The following IQSEC1 variants were observed in gnomAD, a reference collection of about 807,000 sequenced individuals.
The protein encoded by IQSEC1 is IQ motif and SEC7 domain-containing protein 1.
A neutral mutation model predicts 91.0 loss-of-function variants in IQSEC1; 31 were observed. The observed-to-expected ratio is 0.34, with a 90% CI of 0.26 to 0.46. The LOEUF (loss-of-function observed/expected upper bound fraction) is 0.46, where lower values mean the gene tolerates loss of function less well. IQSEC1 is among the 20% of genes least tolerant of loss of function. The pLI is 1.00. For missense variants in IQSEC1, 1,388 were observed against 1,575.6 expected (o/e 0.88, Z 2.02); for synonymous variants, 699 against 662.6 (o/e 1.05, Z -0.84).
intron 1 of IQSEC1, among the ~76,000 whole-genome samples, chr3:13,186,383 C>T (rs943431912): frequency 2.0e-5 from 3 of 152,104 alleles, no homozygotes; most frequent in African/African-American, 7.2e-5. Flanking sequence ...ATGATCATTA[C>T]CAGAGATGAA....
intron 3 of IQSEC1, among the ~76,000 whole-genome samples, chr3:12,933,946 T>G (rs1187465538): frequency 6.6e-6 from 1 of 152,202 alleles, no homozygotes; most frequent in Non-Finnish European, 1.5e-5. Flanking sequence ...TGGTTTCCTG[T>G]CTCCCCACTG....
intron 2 of IQSEC1, among the ~76,000 whole-genome samples, chr3:13,095,049 C>A (rs886092032): frequency 2.6e-5 from 4 of 151,978 alleles, no homozygotes; most frequent in South Asian, 2.1e-4. Flanking sequence ...GCACCGAGAG[C>A]CCCCCTCCTC....
At chr3:12,920,707 G>T in intron 5 of IQSEC1, 111 bp from the exon 6 acceptor site, 2 of 1,158,326 alleles carry the variant, frequency 1.7e-6, no homozygotes, top group Non-Finnish European at 2.5e-6. Flanking sequence ...TGCTTCTGGT[G>T]AGCGAGGATC....
chr3:12,952,175 C>T (rs927437771), intron 1 of IQSEC1, among the ~76,000 whole-genome samples: 1 of 152,114 alleles, frequency 6.6e-6, no homozygotes, highest in Admixed American at 6.6e-5. Flanking sequence ...TGAGGATATC[C>T]AGGAATTGCA....
chr3:12,899,535 G>A lies in IQSEC1; in HGVS notation c.*1448C>T, dbSNP rs539807301. 2 of 1,525,782 alleles carry A rather than the reference G, an allele frequency of 1.3e-6. No individual in the cohort carries two copies. The highest frequency in any genetic ancestry group is 1.8e-6 in the Non-Finnish European group (2 of 1,128,196). The allele number at this position is 1,525,782 out of a possible 1,614,324, so 94.5% of individuals were successfully genotyped here. A position where few individuals can be genotyped will look rare whatever the true frequency, so the allele number is the denominator to read the frequency against. ...TCACCACAACACAGAAGCGACAAGA[G>A]CACAGCTGAGAGTCATGTGATGCCC... On this transcript the variant is annotated 3_prime_UTR_variant, in exon 14 of 14. Coordinates refer to ENST00000613206, the MANE Select transcript of IQSEC1 (RefSeq NM_001134382.3).
chr3:13,115,608 A>G (rs1706322196), intron 2 of IQSEC1, among the ~76,000 whole-genome samples: 1 of 152,102 alleles, frequency 6.6e-6, no homozygotes, highest in Admixed American at 6.5e-5. Context: ...CTGCAGAGTC[A>G]CTCGAGAGGG....
rs749906799 is a variant in IQSEC1, at chr3:12,908,324, AG to A, written c.2755+24del. 2.4e-4 allele frequency: 385 copies of A among 1,608,774 alleles called. No individual in the cohort carries two copies. Among genetic ancestry groups the A allele is most frequent in the Non-Finnish European group, 3.2e-4 (374 of 1,178,520 alleles). On this transcript the variant is annotated intron_variant, in intron 12 of 13. Transcript: ENST00000613206. This position sits in a 1 kb window ranked among gnomAD's most constrained non-coding sequence, Gnocchi z 4.9. ...CGGTCTTGCATGCGCTGGGCTAGCA[AG>A]GTGGTTCTAGGCCAAGCTCTTACCG...
chr3:13,244,483 G>C (rs1427734238), intron 1 of IQSEC1, among the ~76,000 whole-genome samples: 2 of 152,192 alleles, frequency 1.3e-5, no homozygotes, highest in Non-Finnish European at 2.9e-5. Flanking sequence ...TCCTGGGCTT[G>C]CAAATAGTGG....
chr3:13,190,143 C>G (rs1470508388), intron 1 of IQSEC1, among the ~76,000 whole-genome samples: 1 of 152,246 alleles, frequency 6.6e-6, no homozygotes, highest in Non-Finnish European at 1.5e-5. Flanking sequence ...CCTGCCTGAA[C>G]AGCCTGTCTG....
intron 2 of IQSEC1, among the ~76,000 whole-genome samples, chr3:13,092,832 AG>A (rs1312631563): frequency 6.6e-6 from 1 of 152,176 alleles, no homozygotes; most frequent in Non-Finnish European, 1.5e-5. Context: ...ACTCTGCTCC[AG>A]GCACGCTGGC....
rs533645502 is a variant in IQSEC1, at chr3:12,995,367, C to T, written c.24-53502G>A. On this transcript the variant is annotated intron_variant, in intron 1 of 13. Coordinates refer to ENST00000613206, the MANE Select transcript of IQSEC1 (RefSeq NM_001134382.3). ...ACCTCTGACATCTCATGACCCTGGA[C>T]ATCTGGGTCAGGTGAGAATGGGCAA... is the stretch of plus-strand genomic sequence containing the variant. 1.1e-4 allele frequency among the ~76,000 whole-genome samples: 17 copies of T among 152,356 alleles called. No individual in the cohort carries two copies. In the East Asian group the frequency reaches 1.3e-3, roughly 12 times the overall value.
chr3:13,219,678 C>T (rs1472174194), intron 1 of IQSEC1, among the ~76,000 whole-genome samples: 5 of 152,262 alleles, frequency 3.3e-5, no homozygotes, highest in Non-Finnish European at 5.9e-5. Flanking sequence ...TTTCTGCTTG[C>T]TGGGGCAGTG....
chr3:12,922,332 G>A lies in IQSEC1; in HGVS notation c.1731-90C>T. On this transcript the variant is annotated intron_variant, in intron 4 of 13. Coordinates refer to ENST00000613206, the MANE Select transcript of IQSEC1 (RefSeq NM_001134382.3). The surrounding 1 kb of genome is among the most constrained non-coding windows in gnomAD (Gnocchi z 5.1). ...CCAGGTGGTGGTGCCTGAAGCCCTG[G>A]GAATGGACCGCCTCCTGGCAGGGAG... The A allele has an allele frequency of 7.1e-7, 1 of 1,413,696 alleles. No individual in the cohort carries two copies. Among genetic ancestry groups the A allele is most frequent in the Non-Finnish European group, 9.4e-7 (1 of 1,068,742 alleles). 87.6% of individuals were successfully genotyped at this position (1,413,696 alleles called of 1,614,324 possible).
chr3:13,120,753 G>A (rs541231551), intron 2 of IQSEC1, among the ~76,000 whole-genome samples: 22 of 152,252 alleles, frequency 1.4e-4, no homozygotes, highest in African/African-American at 4.8e-4. Flanking sequence ...CCTGCACACC[G>A]GTACCCTCAG....
intron 1 of IQSEC1, among the ~76,000 whole-genome samples, chr3:12,943,843 G>A (rs1293060821): frequency 6.6e-6 from 1 of 152,230 alleles, no homozygotes; most frequent in African/African-American, 2.4e-5. Context: ...GCCCTTTGCT[G>A]CCAATTCTGC....
intron 1 of IQSEC1, among the ~76,000 whole-genome samples, chr3:13,230,969 G>A (rs1694830325): frequency 6.6e-6 from 1 of 152,202 alleles, no homozygotes; most frequent in South Asian, 2.1e-4. Flanking sequence ...TTAAAAGGAG[G>A]TATCCATTTG....
At chr3:12,991,198 T>C (rs1352787141) in intron 1 of IQSEC1, among the ~76,000 whole-genome samples, 1 of 152,132 alleles carries the variant, frequency 6.6e-6, no homozygotes, top group Non-Finnish European at 1.5e-5. Context: ...GCGGGGAAGA[T>C]TCAGGGACTC....
Position 12,900,704 on chromosome 3 carries a change from G to C in IQSEC1, c.*279C>G. 2.9e-6 allele frequency: 4 copies of C among 1,377,542 alleles called. No homozygotes were observed. The South Asian group carries it at 6.2e-5, about 21-fold the overall frequency. 85.3% of individuals were successfully genotyped at this position (1,377,542 alleles called of 1,614,324 possible). A position where few individuals can be genotyped will look rare whatever the true frequency, so the allele number is the denominator to read the frequency against. On this transcript the variant is annotated 3_prime_UTR_variant, in exon 14 of 14. Coordinates refer to ENST00000613206, the MANE Select transcript of IQSEC1 (RefSeq NM_001134382.3). ...TGGGGGAGGCAGTTCAACACTACTT[G>C]GCTGGCTCACCGTTTCAAGGCTGAT...
intron 1 of IQSEC1, among the ~76,000 whole-genome samples, chr3:13,190,955 A>G (rs1694012829): frequency 6.6e-6 from 1 of 152,270 alleles, no homozygotes; most frequent in Middle Eastern, 3.4e-3. Flanking sequence ...ACCCTAGTGC[A>G]GGCCCAGGAG....
Sources: gnomAD v4.1 joint callset for allele counts (sites outside exome capture counted in the v4.1 genomes callset) on GRCh38, gnomAD v4.1.1 for gene constraint, Gnocchi (gnomAD v3.1) non-coding constraint, MANE v1.5 for transcripts, NCBI Gene and HGNC (gene_info 2026-07-23, HGNC 2026-07-21) for gene names.